Variants in VPS13D observed in about 807,000 individuals in gnomAD.
VPS13D encodes vacuolar protein sorting 13 homolog D.
VPS13D carries 187 observed loss-of-function variants against 461.9 expected under a neutral mutation model. The observed-to-expected ratio is 0.40, with a 90% CI of 0.36 to 0.46. VPS13D has a LOEUF of 0.46. Among genes scored for constraint, VPS13D ranks in the 20% least tolerant of loss-of-function variants. The probability of loss-of-function intolerance (pLI) is 0.60; values close to 1 mark genes in which losing one functional copy is unlikely to be tolerated. For missense variants in VPS13D, 4,711 were observed against 5,364.9 expected (o/e 0.88, Z 3.81); for synonymous variants, 1,951 against 1,986.3 (o/e 0.98, Z 0.47).
At chr1:12,418,910 G>T (rs17038016) in intron 65 of VPS13D, among the ~76,000 whole-genome samples, 2,865 of 152,294 alleles carry the variant, frequency 0.019, 108 homozygotes, top group Admixed American at 0.099. Context: ...CTGTTCAAGT[G>T]CCTGTGACAT....
At chr1:12,287,805 G>A (rs1186321052) in intron 21 of VPS13D, among the ~76,000 whole-genome samples, 1 of 152,012 alleles carries the variant, frequency 6.6e-6, no homozygotes, top group African/African-American at 2.4e-5. Context: ...TTAAATATTT[G>A]TTCAGAGGCA....
In VPS13D at chr1:12,505,580, C is replaced by T. The variant is rs1016111819; in HGVS notation, c.12795-1273C>T. Among the ~76,000 whole-genome samples the T allele has an allele frequency of 3.3e-5, 5 of 152,176 alleles. No homozygotes were observed. The highest frequency in any genetic ancestry group is 4.8e-5 in the African/African-American group (2 of 41,442). On this transcript the variant is annotated intron_variant, in intron 68 of 69. Coordinates refer to ENST00000620676, the MANE Select transcript of VPS13D (RefSeq NM_015378.4). This position sits in a 1 kb window ranked among gnomAD's most constrained non-coding sequence, Gnocchi z 4.2. Reference sequence around the variant, plus strand: ...ACTCTGTGGGGTGCTCAGGAAGACACGGGGCTGTGAGATATGGACTCCACT... The same window carrying T: ...ACTCTGTGGGGTGCTCAGGAAGACATGGGGCTGTGAGATATGGACTCCACT...
intron 52 of VPS13D, among the ~76,000 whole-genome samples, chr1:12,364,276 C>G (rs1643997640): frequency 6.6e-6 from 1 of 152,144 alleles, no homozygotes; most frequent in African/African-American, 2.4e-5. Flanking sequence ...ATAAATTTGA[C>G]TACTCTAGGT....
chr1:12,253,428 T>C (rs904427339), intron 6 of VPS13D, among the ~76,000 whole-genome samples: 4 of 152,222 alleles, frequency 2.6e-5, no homozygotes, highest in Non-Finnish European at 2.9e-5. Context: ...CTGAAACTTA[T>C]ATATCTTTCG....
chr1:12,422,747 C>A (rs892707857), intron 65 of VPS13D, among the ~76,000 whole-genome samples: 3 of 152,044 alleles, frequency 2.0e-5, no homozygotes, highest in African/African-American at 7.2e-5. Flanking sequence ...CTCTATTCTG[C>A]CAATCAGGAA....
intron 65 of VPS13D, among the ~76,000 whole-genome samples, chr1:12,433,250 C>T (rs977785720): frequency 1.2e-4 from 18 of 149,882 alleles, no homozygotes; most frequent in African/African-American, 4.2e-4. Flanking sequence ...TAATCTGGAA[C>T]GCTTGGGGAA....
intron 24 of VPS13D, among the ~76,000 whole-genome samples, chr1:12,297,084 T>C (rs753556433): frequency 2.6e-5 from 4 of 152,226 alleles, no homozygotes; most frequent in Non-Finnish European, 4.4e-5. Context: ...TAGGTTTATA[T>C]AGAGCTAAGA....
Position 12,415,190 on chromosome 1 carries a change from T to G in VPS13D, c.12134T>G (p.Ile4045Ser). Residue 4045 changes from isoleucine (I) to serine (S), a missense_variant, in exon 64 of 70, where the codon ATC becomes AGC. By Grantham distance (142) the Ile-to-Ser change is moderately radical. Transcript: ENST00000620676. The part of the protein sequence containing the change: ...RVHPYETKEF[I>S]INDILKHFQE... The stretch of plus-strand genomic sequence containing the variant: ...CATCCCTATGAGACCAAGGAGTTCA[T>G]CATCAATGATATCCTCAAACATTTC... 6.2e-7 allele frequency: 1 copy of G among 1,614,132 alleles called. No individual in the cohort carries two copies. The highest frequency in any genetic ancestry group is 8.5e-7 in the Non-Finnish European group (1 of 1,180,010).
At chr1:12,374,856 G>C (rs1644177015) in intron 55 of VPS13D, among the ~76,000 whole-genome samples, 1 of 152,160 alleles carries the variant, frequency 6.6e-6, no homozygotes, top group African/African-American at 2.4e-5. Flanking sequence ...TCCTGCCTCA[G>C]CCTCCCGAGT....
intron 55 of VPS13D, among the ~76,000 whole-genome samples, chr1:12,375,899 G>A (rs1644192125): frequency 5.3e-5 from 8 of 152,076 alleles, no homozygotes; most frequent in Admixed American, 3.3e-4. Flanking sequence ...GCCTTCCACA[G>A]TCCCATCTAA....
intron 13 of VPS13D, among the ~76,000 whole-genome samples, chr1:12,263,147 A>AT (rs1381909561): frequency 6.6e-6 from 1 of 151,978 alleles, no homozygotes; most frequent in Non-Finnish European, 1.5e-5. Flanking sequence ...TAATACTCAT[A>AT]TTTTTTTTGT....
intron 66 of VPS13D, 119 bp from the exon 67 acceptor site, chr1:12,460,082 T>C (rs765342018): frequency 1.3e-5 from 12 of 917,810 alleles, no homozygotes; most frequent in Non-Finnish European, 1.9e-5. Flanking sequence ...CTGTGGCCTC[T>C]CTGGCACAGA....
intron 62 of VPS13D, 81 bp from the exon 63 acceptor site, chr1:12,403,744 C>T: frequency 1.5e-6 from 2 of 1,357,058 alleles, no homozygotes; most frequent in Non-Finnish European, 2.0e-6. Flanking sequence ...TGATTTTTTT[C>T]TATGTGAATA....
intron 18 of VPS13D, among the ~76,000 whole-genome samples, chr1:12,275,545 A>C (rs925153293): frequency 2.0e-5 from 3 of 152,202 alleles, no homozygotes; most frequent in African/African-American, 7.2e-5. Context: ...GCAGGGGAGA[A>C]GTGGGGAGGC....
At chr1:12,488,307 T>A (rs1645828896) in intron 67 of VPS13D, among the ~76,000 whole-genome samples, 1 of 152,224 alleles carries the variant, frequency 6.6e-6, no homozygotes, top group Non-Finnish European at 1.5e-5. Flanking sequence ...ATTCTTCATA[T>A]TTTATCTCAA....
chr1:12,355,756 G>A (rs1643880068), intron 47 of VPS13D, 143 bp from the exon 48 acceptor site: 2 of 817,434 alleles, frequency 2.4e-6, no homozygotes, highest in Admixed American at 3.5e-5. Flanking sequence ...CCTAGCTAGA[G>A]AGAAAGAGCC....
At chr1:12,504,941 G>A (rs1274502350) in intron 68 of VPS13D, among the ~76,000 whole-genome samples, 1 of 151,902 alleles carries the variant, frequency 6.6e-6, no homozygotes. Flanking sequence ...GTGGCGCTGG[G>A]GGCTGGGGGC....
chr1:12,371,380 A>G (rs1044558450), intron 54 of VPS13D, among the ~76,000 whole-genome samples: 1 of 150,158 alleles, frequency 6.7e-6, no homozygotes, highest in Admixed American at 6.6e-5. Context: ...GCATGTGGCA[A>G]TGCTTCATTC....
intron 42 of VPS13D, 27 bp from the exon 43 acceptor site, chr1:12,345,347 T>G: frequency 6.3e-7 from 1 of 1,592,898 alleles, no homozygotes; most frequent in South Asian, 1.1e-5. Context: ...TTGTGCCTAA[T>G]ATCTTTTTCT....
Sources: gnomAD v4.1 joint callset for allele counts (sites outside exome capture counted in the v4.1 genomes callset) on GRCh38, gnomAD v4.1.1 for gene constraint, Gnocchi (gnomAD v3.1) non-coding constraint, MANE v1.5 for transcripts, NCBI Gene and HGNC (gene_info 2026-07-23, HGNC 2026-07-21) for gene names.